The following PACS1 variants were observed in gnomAD, a reference collection of about 807,000 sequenced individuals.
PACS1 encodes the protein PACS-1.
PACS1 carries 24 observed loss-of-function variants against 115.0 expected under a neutral mutation model. That is an observed-to-expected ratio of 0.21 (90% CI 0.15 to 0.29). The LOEUF is 0.29. Among genes scored for constraint, PACS1 ranks in the 10% least tolerant of loss-of-function variants. PACS1 has a pLI of 1.00. For missense variants in PACS1, 838 were observed against 1,251.2 expected, an observed-to-expected ratio of 0.67 and a Z score of 4.98; for synonymous variants, 453 against 504.5, an observed-to-expected ratio of 0.90 and a Z score of 1.37.
At chr11:66,210,859 G>T (rs1431600558) in intron 3 of PACS1, among the ~76,000 whole-genome samples, 1 of 152,138 alleles carries the variant, frequency 6.6e-6, no homozygotes, top group African/African-American at 2.4e-5. Context: ...GTAATTCAAT[G>T]CCCAAATTGA....
At chr11:66,166,456 ATC>A (rs1859605806) in intron 1 of PACS1, among the ~76,000 whole-genome samples, 1 of 142,436 alleles carries the variant, frequency 7.0e-6, no homozygotes, top group African/African-American at 3.1e-5. Context: ...CTGATGTCAC[ATC>A]TTACAGCTGT....
chr11:66,230,837 AGAG>A lies in PACS1; in HGVS notation c.1527_1529del (p.Arg509del). On this transcript the variant is annotated inframe_deletion, in exon 13 of 24. Transcript: ENST00000320580. ...GAGGGGGTGCACACACCCCGGCAGA[AGAG>A]GAGCACGCCCCTGAAGGAGCGGCAG... 2 of 1,614,202 alleles carry A rather than the reference AGAG, an allele frequency of 1.2e-6. No homozygotes were observed. The highest frequency in any genetic ancestry group is 1.7e-6 in the Non-Finnish European group (2 of 1,180,026).
In PACS1 at chr11:66,212,339, G is replaced by A. The variant is rs562250704; in HGVS notation, c.660+1080G>A. Among the ~76,000 whole-genome samples the A allele has an allele frequency of 6.8e-3, 1,024 of 150,724 alleles. 6 individuals are homozygous for A. The highest frequency in any genetic ancestry group is 0.027 in the Middle Eastern group (8 of 292). ...AGTAGAGACGGGGTTTCACCATGTT[G>A]GCCAGGATGGTCTCATTCTCCTGAC... On this transcript the variant is annotated intron_variant, in intron 4 of 23. Coordinates refer to ENST00000320580, the MANE Select transcript of PACS1 (RefSeq NM_018026.4).
chr11:66,239,392 G>A, intron 21 of PACS1, 115 bp downstream of exon 21: 2 of 1,259,410 alleles, frequency 1.6e-6, no homozygotes, highest in Non-Finnish European at 2.2e-6. Flanking sequence ...GCGTGGTAGT[G>A]CACACCTGTG....
chr11:66,191,834 G>A (rs1373527122), intron 1 of PACS1, among the ~76,000 whole-genome samples: 2 of 152,244 alleles, frequency 1.3e-5, no homozygotes, highest in Non-Finnish European at 2.9e-5. Flanking sequence ...GACCAGCCTG[G>A]CCAACATGGT....
chr11:66,121,095 T>C (rs1202132861), intron 1 of PACS1: 1 of 456,144 alleles, frequency 2.2e-6, no homozygotes, highest in East Asian at 6.9e-5. Context: ...GTTTTTCTAA[T>C]AGCATGTGCT....
At chr11:66,206,340 G>A in intron 2 of PACS1, among the ~76,000 whole-genome samples, 1 of 152,148 alleles carries the variant, frequency 6.6e-6, no homozygotes, top group Admixed American at 6.5e-5. Context: ...TTGGACCCTG[G>A]TTGGTAGTGC....
intron 10 of PACS1, among the ~76,000 whole-genome samples, chr11:66,225,343 C>T (rs1308264974): frequency 6.6e-6 from 1 of 152,168 alleles, no homozygotes; most frequent in East Asian, 1.9e-4. Context: ...TGGAGTCCTG[C>T]TGGTGTTCCA....
chr11:66,072,504 C>T (rs1857325988), intron 1 of PACS1, among the ~76,000 whole-genome samples: 1 of 152,168 alleles, frequency 6.6e-6, no homozygotes, highest in South Asian at 2.1e-4. Flanking sequence ...TTCCACATCA[C>T]TTAACAGATT....
At chr11:66,189,996 C>T (rs750988252) in intron 1 of PACS1, among the ~76,000 whole-genome samples, 3 of 152,224 alleles carry the variant, frequency 2.0e-5, no homozygotes, top group Admixed American at 6.5e-5. Context: ...ACTGTGACGA[C>T]GTGCTGCAGC....
intron 2 of PACS1, among the ~76,000 whole-genome samples, chr11:66,200,925 A>G (rs371311954): frequency 2.0e-5 from 3 of 152,140 alleles, no homozygotes; most frequent in Admixed American, 2.0e-4. Flanking sequence ...ACATTCAAAA[A>G]AAAAAAAAGT....
intron 1 of PACS1, among the ~76,000 whole-genome samples, chr11:66,097,127 A>G (rs1857803917): frequency 6.6e-6 from 1 of 152,116 alleles, no homozygotes. Flanking sequence ...CATTCCCACT[A>G]ACTGAGGCAG....
intron 1 of PACS1, among the ~76,000 whole-genome samples, chr11:66,129,364 G>T (rs981211019): frequency 2.0e-4 from 30 of 151,662 alleles, no homozygotes; most frequent in African/African-American, 6.5e-4. Context: ...CCTGGAAGGT[G>T]GAGGTGGCAG....
At chr11:66,221,274 G>T (rs748707473) in intron 10 of PACS1, 27 bp downstream of exon 10, 2 of 1,594,362 alleles carry the variant, frequency 1.3e-6, no homozygotes, top group Non-Finnish European at 8.6e-7. Flanking sequence ...CTGCGGGGCG[G>T]GGTGGGACCG....
intron 1 of PACS1, among the ~76,000 whole-genome samples, chr11:66,072,952 A>G (rs939924219): frequency 6.6e-6 from 1 of 152,250 alleles, no homozygotes; most frequent in Non-Finnish European, 1.5e-5. Flanking sequence ...AGTCCACGTA[A>G]TAAATTATTA....
chr11:66,070,331 C>G lies in PACS1; in HGVS notation c.-156C>G. The G allele has an allele frequency of 3.7e-6, 1 of 267,192 alleles. No homozygotes were observed. Among genetic ancestry groups the G allele is most frequent in the Non-Finnish European group, 6.4e-6 (1 of 155,994 alleles). 16.6% of individuals were successfully genotyped at this position (267,192 alleles called of 1,614,324 possible). A position where few individuals can be genotyped will look rare whatever the true frequency, so the allele number is the denominator to read the frequency against. On this transcript the variant is annotated 5_prime_UTR_variant, in exon 1 of 24. Transcript: ENST00000320580. This position sits in a 1 kb window ranked among gnomAD's most constrained non-coding sequence, Gnocchi z 5.9. The stretch of plus-strand genomic sequence containing the variant: ...GGCGGTCGAGCGCGAGGCCCGCGCG[C>G]CCAGAGGCCCCGCGCGTGCGTGCAG...
chr11:66,201,892 C>G (rs1450164360), intron 2 of PACS1, among the ~76,000 whole-genome samples: 1 of 152,016 alleles, frequency 6.6e-6, no homozygotes, highest in African/African-American at 2.4e-5. Context: ...CTCCCAGCCT[C>G]AGGTGATCTG....
chr11:66,203,914 T>C (rs962485381), intron 2 of PACS1, among the ~76,000 whole-genome samples: 1 of 152,076 alleles, frequency 6.6e-6, no homozygotes, highest in African/African-American at 2.4e-5. Context: ...AAAGAAAACA[T>C]TTTTCCAACT....
chr11:66,190,039 A>G (rs914326889), intron 1 of PACS1, among the ~76,000 whole-genome samples: 6 of 152,114 alleles, frequency 3.9e-5, no homozygotes, highest in Non-Finnish European at 5.9e-5. Flanking sequence ...ACTCTCACTC[A>G]CCTATCAGAG....
Sources: allele counts gnomAD v4.1 joint callset (sites outside exome capture counted in the v4.1 genomes callset), GRCh38; gene constraint gnomAD v4.1.1; non-coding constraint Gnocchi (gnomAD v3.1); transcripts MANE v1.5; gene names NCBI Gene and HGNC (gene_info 2026-07-23, HGNC 2026-07-21).